PRKAR1A: variants seen among roughly 807,000 people sequenced by gnomAD.
The protein encoded by PRKAR1A is protein kinase cAMP-dependent type I regulatory subunit alpha.
A neutral mutation model predicts 52.0 loss-of-function variants in PRKAR1A; 3 were observed. The observed-to-expected ratio is 0.06, with a 90% CI of 0.03 to 0.15. The LOEUF (loss-of-function observed/expected upper bound fraction) is 0.15. Ranked by LOEUF, PRKAR1A falls within the 10% of genes least tolerant of loss-of-function variation. The pLI is 1.00. For missense variants in PRKAR1A, 240 were observed against 477.4 expected (o/e 0.50, Z 4.63); for synonymous variants, 188 against 168.4 (o/e 1.12, Z -0.90).
At chr17:68,495,927 T>C in the PRKAR1A span, among the ~76,000 whole-genome samples, 1 of 142,078 alleles carries the variant, frequency 7.0e-6, no homozygotes, top group East Asian at 2.1e-4. Context: ...GGTCCCTCTC[T>C]GCGTTTCCTT....
At chr17:68,490,424 C>T in the PRKAR1A span, among the ~76,000 whole-genome samples, 2 of 152,140 alleles carry the variant, frequency 1.3e-5, no homozygotes, top group African/African-American at 4.8e-5. Context: ...CCTCTTGTCC[C>T]GCATTTCTCC....
intron 11 of PRKAR1A, chr17:68,540,080 G>T: frequency 1.2e-6 from 1 of 838,230 alleles, no homozygotes; most frequent in Non-Finnish European, 2.0e-6. Context: ...ACAGGGGTGT[G>T]AACGAAGCTG....
At chr17:68,500,771 C>A in the PRKAR1A span, among the ~76,000 whole-genome samples, 1 of 152,074 alleles carries the variant, frequency 6.6e-6, no homozygotes, top group Non-Finnish European at 1.5e-5. Context: ...CCCTCCTTGG[C>A]CTCCCAAAGT....
At chr17:68,432,657 G>A in the PRKAR1A span, among the ~76,000 whole-genome samples, 2 of 152,112 alleles carry the variant, frequency 1.3e-5, no homozygotes, top group Non-Finnish European at 2.9e-5. Flanking sequence ...GTGATATGGT[G>A]CCCAGCCTCT....
the PRKAR1A span, among the ~76,000 whole-genome samples, chr17:68,455,131 G>A: frequency 2.0e-5 from 3 of 152,242 alleles, no homozygotes; most frequent in Admixed American, 6.5e-5. Flanking sequence ...GGAGGCTGAG[G>A]TGGGTGGATC....
the PRKAR1A span, among the ~76,000 whole-genome samples, chr17:68,434,199 A>G: frequency 2.0e-5 from 3 of 152,298 alleles, no homozygotes; most frequent in African/African-American, 7.2e-5. Flanking sequence ...GCAAACCTAC[A>G]TCCGATAAGA....
the PRKAR1A span, among the ~76,000 whole-genome samples, chr17:68,496,441 C>T: frequency 1.3e-5 from 2 of 152,186 alleles, no homozygotes; most frequent in Non-Finnish European, 2.9e-5. Context: ...ATGGAAGGAC[C>T]CTTGTGATTA....
chr17:68,542,011 G>C (rs988700784), intron 11 of PRKAR1A: 1 of 1,614,062 alleles, frequency 6.2e-7, no homozygotes. Context: ...GTGTGTAGGA[G>C]CGGATCCAGG....
At chr17:68,454,086 AT>A in the PRKAR1A span, among the ~76,000 whole-genome samples, 3 of 152,136 alleles carry the variant, frequency 2.0e-5, no homozygotes, top group Non-Finnish European at 4.4e-5. Context: ...GGTTCTCTTA[AT>A]TTTTCATTTT....
At chr17:68,430,105 C>T in the PRKAR1A span, 1 of 1,614,104 alleles carries the variant, frequency 6.2e-7, no homozygotes, top group Admixed American at 1.7e-5. Flanking sequence ...TAGTTGGTAG[C>T]AGCCATAAAC....
the PRKAR1A span, among the ~76,000 whole-genome samples, chr17:68,451,623 G>A: frequency 1.3e-5 from 2 of 152,158 alleles, no homozygotes; most frequent in Non-Finnish European, 2.9e-5. Flanking sequence ...TCAAAGGCGT[G>A]ACTTCTCAGT....
At chr17:68,480,042 G>C in the PRKAR1A span, among the ~76,000 whole-genome samples, 1 of 152,146 alleles carries the variant, frequency 6.6e-6, no homozygotes, top group African/African-American at 2.4e-5. Context: ...ACAGCATGTG[G>C]GGAATATGGA....
At chr17:68,537,102 A>G (rs1054977677), downstream of PRKAR1A, 1 of 468,596 alleles carries the variant, frequency 2.1e-6, no homozygotes, top group African/African-American at 2.0e-5. This position sits in a 1 kb window ranked among gnomAD's most constrained non-coding sequence, Gnocchi z 4.2. Context: ...AGCTAGAATA[A>G]GGATCCTGAG....
At chr17:68,509,340 T>A (rs186466798), upstream of PRKAR1A, among the ~76,000 whole-genome samples, 1 of 152,230 alleles carries the variant, frequency 6.6e-6, no homozygotes, top group African/African-American at 2.4e-5. Flanking sequence ...TTTTTAAAAT[T>A]TTTTTGTAGA....
chr17:68,498,620 C>G, the PRKAR1A span, among the ~76,000 whole-genome samples: 1 of 152,212 alleles, frequency 6.6e-6, no homozygotes. Context: ...ATCCCCATGC[C>G]CTTATCTCCT....
At chr17:68,489,228 A>ATATATG in the PRKAR1A span, among the ~76,000 whole-genome samples, 2 of 34,094 alleles carry the variant, frequency 5.9e-5, 1 homozygote, top group Non-Finnish European at 9.5e-5. Flanking sequence ...ATATATATAT[A>ATATATG]TGGAAAGTAT....
the PRKAR1A span, among the ~76,000 whole-genome samples, chr17:68,473,416 A>G: frequency 2.0e-5 from 3 of 152,170 alleles, no homozygotes; most frequent in African/African-American, 7.2e-5. Flanking sequence ...TTAAATTCAG[A>G]CTCACATAGA....
intron 2 of PRKAR1A, among the ~76,000 whole-genome samples, chr17:68,519,936 G>A (rs991157956): frequency 6.6e-6 from 1 of 152,228 alleles, no homozygotes; most frequent in Non-Finnish European, 1.5e-5. Context: ...ATTAAGTAAT[G>A]TGGCTGTGGT....
At chr17:68,524,107 T>TA (rs1295868000) in intron 5 of PRKAR1A, 30 bp downstream of exon 5, 1 of 1,610,098 alleles carries the variant, frequency 6.2e-7, no homozygotes, top group Non-Finnish European at 8.5e-7. Flanking sequence ...GCAATATTGT[T>TA]ACGGGAGAGG....
Sources: allele counts gnomAD v4.1 joint callset (sites outside exome capture counted in the v4.1 genomes callset), GRCh38; gene constraint gnomAD v4.1.1; non-coding constraint Gnocchi (gnomAD v3.1); transcripts MANE v1.5; gene names NCBI Gene and HGNC (gene_info 2026-07-23, HGNC 2026-07-21).